The following LIN28B variants were observed in gnomAD, a reference collection of about 807,000 sequenced individuals.
The protein encoded by LIN28B is protein lin-28 homolog B.
LIN28B carries 5 observed loss-of-function variants against 21.9 expected under a neutral mutation model. The ratio of observed to expected loss-of-function variants is 0.23; its 90% CI spans 0.12 to 0.48. LIN28B has a LOEUF of 0.48. LIN28B is among the 20% of genes least tolerant of loss of function. The probability of loss-of-function intolerance (pLI) is 0.98; values close to 1 mark genes in which losing one functional copy is unlikely to be tolerated. For synonymous variants in LIN28B, 109 were observed against 111.3 expected, an observed-to-expected ratio of 0.98 and a Z score of 0.13; for missense variants, 245 against 310.5, an observed-to-expected ratio of 0.79 and a Z score of 1.58.
At chr6:104,984,902 T>A (rs997834059) in intron 2 of LIN28B, among the ~76,000 whole-genome samples, 9 of 152,228 alleles carry the variant, frequency 5.9e-5, no homozygotes, top group African/African-American at 1.9e-4. Flanking sequence ...ACATAAGTGC[T>A]ATAGATATGA....
chr6:105,030,650 G>A (rs138140663), intron 3 of LIN28B, among the ~76,000 whole-genome samples: 2 of 137,192 alleles, frequency 1.5e-5, no homozygotes, highest in East Asian at 2.1e-4. Context: ...AGTCTGGAGT[G>A]CAATGGCCTG....
chr6:105,052,513 G>A (rs1771928120), intron 3 of LIN28B, among the ~76,000 whole-genome samples: 1 of 152,018 alleles, frequency 6.6e-6, no homozygotes, highest in African/African-American at 2.4e-5. Context: ...CCCATTTCCA[G>A]GATAATAACA....
rs61525783 is a variant in LIN28B at position 105,053,714 on chromosome 6, C to CATGTGTGTGTGTGTGTGT, written c.384-24700_384-24699insATGTGTGTGTGTGTGTGT. On this transcript the variant is annotated intron_variant, in intron 3 of 3. Coordinates refer to ENST00000345080, the MANE Select transcript of LIN28B (RefSeq NM_001004317.4). ...TGTTTGTATGGTGTGTGTGTGGGTG[C>CATGTGTGTGTGTGTGTGT]GTGTGTGTGTGTGTGTGTGTGTGTG... 3.9e-3 allele frequency among the ~76,000 whole-genome samples: 570 copies of CATGTGTGTGTGTGTGTGT among 147,378 alleles called. 4 individuals are homozygous for CATGTGTGTGTGTGTGTGT. Among genetic ancestry groups the CATGTGTGTGTGTGTGTGT allele is most frequent in the African/African-American group, 0.013 (506 of 39,544 alleles).
intron 2 of LIN28B, chr6:104,950,312 G>A (rs1409304794): frequency 2.0e-5 from 8 of 404,752 alleles, no homozygotes; most frequent in African/African-American, 1.0e-4. Flanking sequence ...ATTTTGCTAG[G>A]TGAGTCTTAA....
At chr6:105,010,654 C>T (rs1770904627) in intron 2 of LIN28B, among the ~76,000 whole-genome samples, 1 of 152,146 alleles carries the variant, frequency 6.6e-6, no homozygotes, top group East Asian at 1.9e-4. Context: ...AAAGAAGCTG[C>T]AGACATCAAT....
chr6:104,973,003 C>T (rs775850091), intron 2 of LIN28B, among the ~76,000 whole-genome samples: 1 of 151,424 alleles, frequency 6.6e-6, no homozygotes, highest in Non-Finnish European at 1.5e-5. Flanking sequence ...CCCAGCTGTT[C>T]GTGAGGCTGA....
At chr6:105,063,865 A>C (rs1281565305) in intron 3 of LIN28B, among the ~76,000 whole-genome samples, 1 of 148,870 alleles carries the variant, frequency 6.7e-6, no homozygotes, top group Non-Finnish European at 1.5e-5. Context: ...TCAGAATTCT[A>C]TTTTTCAATA....
chr6:105,012,483 AAAAC>A (rs900853683), intron 2 of LIN28B, among the ~76,000 whole-genome samples: 39 of 151,992 alleles, frequency 2.6e-4, no homozygotes, highest in Non-Finnish European at 4.1e-4. Flanking sequence ...AAAAAAAACA[AAAAC>A]AAACAAACAA....
chr6:105,064,941 A>G (rs1386240257), intron 3 of LIN28B, among the ~76,000 whole-genome samples: 2 of 152,212 alleles, frequency 1.3e-5, no homozygotes, highest in East Asian at 1.9e-4. Context: ...GGCTTACAGA[A>G]TATGTGCAAA....
At chr6:105,029,006 A>T (rs1472461269) in intron 3 of LIN28B, among the ~76,000 whole-genome samples, 3 of 152,164 alleles carry the variant, frequency 2.0e-5, no homozygotes, top group African/African-American at 4.8e-5. Context: ...AGGTATGTTA[A>T]ATGGTGCTGA....
At chr6:104,992,514 G>GTTTT (rs71003467) in intron 2 of LIN28B, among the ~76,000 whole-genome samples, 1,422 of 139,640 alleles carry the variant, frequency 0.01, 25 homozygotes, top group African/African-American at 0.036. Context: ...GTGTGTGTGT[G>GTTTT]TTTTTTTTTT....
At chr6:104,959,978 A>C (rs1179819917) in intron 2 of LIN28B, among the ~76,000 whole-genome samples, 2 of 152,170 alleles carry the variant, frequency 1.3e-5, no homozygotes, top group African/African-American at 4.8e-5. Context: ...TTAGAACAAC[A>C]AGACATTTGT....
rs1582904180 is a variant in LIN28B, at chr6:105,026,431, AAAG to A, written c.337_339del (p.Arg113del). ...GGTGGGAGCCCCTGTTTAGGAAGTGAAAGAAGACCCAAAGGGAAGACACTACAG... is the reference window on the plus strand; with the variant it reads ...GGTGGGAGCCCCTGTTTAGGAAGTGAAAGACCCAAAGGGAAGACACTACAG... On this transcript the variant is annotated inframe_deletion, in exon 3 of 4. Transcript: ENST00000345080. 1 of 1,610,048 alleles carries A rather than the reference AAAG, an allele frequency of 6.2e-7. No homozygotes were observed. The highest frequency in any genetic ancestry group is 8.5e-7 in the Non-Finnish European group (1 of 1,178,458).
intron 3 of LIN28B, among the ~76,000 whole-genome samples, chr6:105,034,098 T>C (rs575814871): frequency 1.3e-5 from 2 of 152,068 alleles, no homozygotes; most frequent in African/African-American, 4.8e-5. Context: ...AGTGCATGGA[T>C]ATGTAGTGTA....
intron 2 of LIN28B, among the ~76,000 whole-genome samples, chr6:105,008,765 A>G (rs558382240): frequency 1.1e-4 from 17 of 152,266 alleles, no homozygotes; most frequent in Admixed American, 3.9e-4. Flanking sequence ...GAAGAATGCA[A>G]TGTTGCTAAT....
intron 2 of LIN28B, among the ~76,000 whole-genome samples, chr6:104,999,686 T>A (rs1041512959): frequency 2.0e-5 from 3 of 152,122 alleles, no homozygotes; most frequent in Admixed American, 1.3e-4. Context: ...ACAAAGGAAG[T>A]TCTTTTTTTT....
chr6:105,005,986 G>T (rs1229229551), intron 2 of LIN28B, among the ~76,000 whole-genome samples: 1 of 152,112 alleles, frequency 6.6e-6, no homozygotes, highest in Admixed American at 6.5e-5. Flanking sequence ...TCCAGCTGAG[G>T]AATATTAATT....
Position 105,029,505 on chromosome 6 carries a change from G to A in LIN28B, c.383+3023G>A, listed in dbSNP as rs1117551. ...GATAGATATGAAGGTAGGATAAGGCGAGATTTCTCTTTTTTATGCTGGTTT... is the reference window on the plus strand; with the variant it reads ...GATAGATATGAAGGTAGGATAAGGCAAGATTTCTCTTTTTTATGCTGGTTT... On this transcript the variant is annotated intron_variant, in intron 3 of 3. Transcript: ENST00000345080. Among the ~76,000 whole-genome samples, 169 of 152,210 alleles carry A rather than the reference G, an allele frequency of 1.1e-3. No homozygotes were observed. The East Asian group carries it at 0.026, about 24-fold the overall frequency.
chr6:104,953,765 G>A (rs1157787961), upstream of LIN28B, among the ~76,000 whole-genome samples: 1 of 152,222 alleles, frequency 6.6e-6, no homozygotes, highest in Admixed American at 6.5e-5. Flanking sequence ...GGGTTGCGAT[G>A]GCAGCGCTGG....
Sources: gnomAD v4.1 joint callset for allele counts (sites outside exome capture counted in the v4.1 genomes callset) on GRCh38, gnomAD v4.1.1 for gene constraint, MANE v1.5 for transcripts, NCBI Gene and HGNC (gene_info 2026-07-23, HGNC 2026-07-21) for gene names.